The following NOL4 variants were observed in gnomAD, a reference collection of about 807,000 sequenced individuals.
NOL4 encodes the protein cancer/testis antigen 125.
Under a neutral mutation model 75.9 loss-of-function variants are expected in NOL4, and 17 were observed. That is an observed-to-expected ratio of 0.22 (90% CI 0.15 to 0.34). The LOEUF (loss-of-function observed/expected upper bound fraction) is 0.34. Among genes scored for constraint, NOL4 ranks in the 10% least tolerant of loss-of-function variants. The pLI is 1.00. For synonymous variants in NOL4, 292 were observed against 289.9 expected (o/e 1.01, Z -0.07); for missense variants, 614 against 793.5 (o/e 0.77, Z 2.72).
chr18:33,946,772 A>G (rs2068863105), intron 8 of NOL4, among the ~76,000 whole-genome samples: 1 of 151,776 alleles, frequency 6.6e-6, no homozygotes, highest in South Asian at 2.1e-4. Flanking sequence ...CATTAAAAGC[A>G]CAAAGACAAA....
chr18:34,215,714 C>G, intron 1 of NOL4, among the ~76,000 whole-genome samples: 1 of 151,996 alleles, frequency 6.6e-6, no homozygotes, highest in East Asian at 1.9e-4. Context: ...TGAAAACACC[C>G]AATAGAAAAT....
chr18:34,129,394 T>C (rs1033817214), intron 2 of NOL4, among the ~76,000 whole-genome samples: 2 of 151,662 alleles, frequency 1.3e-5, no homozygotes, highest in African/African-American at 4.8e-5. Context: ...ACATTGAATA[T>C]AAGGAGACAT....
chr18:33,907,921 T>C (rs997154065), intron 9 of NOL4, among the ~76,000 whole-genome samples: 7 of 152,196 alleles, frequency 4.6e-5, no homozygotes, highest in African/African-American at 1.7e-4. Context: ...GACTGTAACA[T>C]TTTATTTCAA....
intron 6 of NOL4, among the ~76,000 whole-genome samples, chr18:34,000,219 T>A (rs2073599343): frequency 6.6e-6 from 1 of 152,132 alleles, no homozygotes; most frequent in Admixed American, 6.6e-5. Context: ...TTCTAAGAGA[T>A]AATGTGGTCC....
chr18:34,153,910 G>A (rs1009857074), intron 1 of NOL4, among the ~76,000 whole-genome samples: 1 of 151,942 alleles, frequency 6.6e-6, no homozygotes, highest in African/African-American at 2.4e-5. Flanking sequence ...TAACATACAG[G>A]AAGTAAATCG....
chr18:34,046,840 G>C (rs539005393), intron 5 of NOL4, among the ~76,000 whole-genome samples: 1 of 151,354 alleles, frequency 6.6e-6, no homozygotes, highest in African/African-American at 2.4e-5. Context: ...ACTTTAATTT[G>C]TTCTCTGGGG....
At chr18:34,104,180 T>G (rs2079163019) in intron 3 of NOL4, 21 bp from the exon 4 acceptor site, 1 of 1,414,942 alleles carries the variant, frequency 7.1e-7, no homozygotes, top group South Asian at 1.2e-5. Context: ...ACATTTTTAA[T>G]GGGTAATGAA....
intron 9 of NOL4, among the ~76,000 whole-genome samples, chr18:33,883,808 C>G (rs2064462556): frequency 6.6e-6 from 1 of 152,100 alleles, no homozygotes; most frequent in South Asian, 2.1e-4. Context: ...TGTCATACTA[C>G]AGCATGGATG....
At chr18:34,046,056 G>C (rs539142067) in intron 5 of NOL4, among the ~76,000 whole-genome samples, 3 of 152,072 alleles carry the variant, frequency 2.0e-5, no homozygotes, top group Non-Finnish European at 2.9e-5. Context: ...AGAGGTTTCT[G>C]TTGTAAATTT....
intron 1 of NOL4, among the ~76,000 whole-genome samples, chr18:34,144,655 A>G (rs2081326065): frequency 6.6e-6 from 1 of 152,112 alleles, no homozygotes; most frequent in Admixed American, 6.6e-5. Flanking sequence ...TAGGCTAAAA[A>G]CGAGTTACCC....
intron 9 of NOL4, among the ~76,000 whole-genome samples, chr18:33,894,113 C>A (rs985560168): frequency 1.3e-5 from 2 of 152,118 alleles, no homozygotes; most frequent in Non-Finnish European, 1.5e-5. Flanking sequence ...TGGAAAACAG[C>A]TCTACCTTCT....
chr18:34,084,720 T>A (rs2078167853), intron 5 of NOL4, among the ~76,000 whole-genome samples: 1 of 152,148 alleles, frequency 6.6e-6, no homozygotes, highest in Non-Finnish European at 1.5e-5. Context: ...CTTTCTTCAA[T>A]ACTTTCCAAC....
intron 5 of NOL4, among the ~76,000 whole-genome samples, chr18:34,073,488 A>C: frequency 6.6e-6 from 1 of 152,020 alleles, no homozygotes; most frequent in East Asian, 1.9e-4. Flanking sequence ...AGCTTACTTA[A>C]ACTGCCTAAT....
At chr18:34,012,627 T>C (rs1386354014) in intron 6 of NOL4, among the ~76,000 whole-genome samples, 1 of 151,946 alleles carries the variant, frequency 6.6e-6, no homozygotes, top group Non-Finnish European at 1.5e-5. Context: ...AGAACCACTC[T>C]CATTCAATTA....
chr18:34,005,596 G>A (rs1326725388), intron 6 of NOL4, among the ~76,000 whole-genome samples: 1 of 151,982 alleles, frequency 6.6e-6, no homozygotes. Context: ...CTCCTGCCCT[G>A]GCAATGGCTC....
chr18:33,861,570 G>T (rs1201178129), intron 10 of NOL4, among the ~76,000 whole-genome samples: 1 of 151,952 alleles, frequency 6.6e-6, no homozygotes, highest in African/African-American at 2.4e-5. Context: ...CATCAGCAAA[G>T]TCTCAGGATA....
chr18:33,939,118 T>C (rs185882629), intron 9 of NOL4, among the ~76,000 whole-genome samples: 1 of 152,290 alleles, frequency 6.6e-6, no homozygotes, highest in Non-Finnish European at 1.5e-5. Flanking sequence ...AGGCCTCTGC[T>C]CTGTTCCAAT....
At chr18:34,187,251 T>C (rs924828817) in intron 1 of NOL4, among the ~76,000 whole-genome samples, 6 of 152,216 alleles carry the variant, frequency 3.9e-5, no homozygotes, top group Admixed American at 2.6e-4. Context: ...ATTTTGCTTT[T>C]TCCAGAGTGT....
chr18:33,991,097 C>T (rs2072881206), intron 6 of NOL4, among the ~76,000 whole-genome samples: 1 of 151,924 alleles, frequency 6.6e-6, no homozygotes, highest in Non-Finnish European at 1.5e-5. Flanking sequence ...TCATTTTCTT[C>T]TCATTCAACT....
Sources: allele counts gnomAD v4.1 joint callset (sites outside exome capture counted in the v4.1 genomes callset), GRCh38; gene constraint gnomAD v4.1.1; transcripts MANE v1.5; gene names NCBI Gene and HGNC (gene_info 2026-07-23, HGNC 2026-07-21).